KIF23: variants seen among roughly 807,000 people sequenced by gnomAD.
KIF23 encodes the protein kinesin-like protein KIF23.
KIF23 carries 30 observed loss-of-function variants against 137.5 expected under a neutral mutation model. That is an observed-to-expected ratio of 0.22 (90% CI 0.16 to 0.30). The LOEUF (loss-of-function observed/expected upper bound fraction) is 0.30, where lower values mean the gene tolerates loss of function less well. Ranked by LOEUF, KIF23 falls within the 10% of genes least tolerant of loss-of-function variation. The probability of loss-of-function intolerance (pLI) is 1.00; values close to 1 mark genes in which losing one functional copy is unlikely to be tolerated. For missense variants in KIF23, 920 were observed against 1,194.3 expected, an observed-to-expected ratio of 0.77 and a Z score of 3.38; for synonymous variants, 367 against 391.1, an observed-to-expected ratio of 0.94 and a Z score of 0.73.
chr15:69,445,399 A>C (rs2057718614), intron 20 of KIF23, among the ~76,000 whole-genome samples: 1 of 152,196 alleles, frequency 6.6e-6, no homozygotes, highest in Non-Finnish European at 1.5e-5. Context: ...AAAACAAAAC[A>C]AAACGAAACC....
intron 17 of KIF23, 96 bp downstream of exon 17, chr15:69,440,173 G>T: frequency 6.7e-7 from 1 of 1,497,394 alleles, no homozygotes. Flanking sequence ...TTTGCGGTAG[G>T]GTTTTGGTGG....
chr15:69,422,454 C>T lies in KIF23; in HGVS notation c.563+19C>T. 3 of 1,367,040 alleles carry T rather than the reference C, an allele frequency of 2.2e-6. No homozygotes were observed. The highest frequency in any genetic ancestry group is 3.1e-6 in the Non-Finnish European group (3 of 955,618). 84.7% of individuals were successfully genotyped at this position (1,367,040 alleles called of 1,614,324 possible). ...CTAGCAAGTAAGTAATTATATTTGTCTGCAGCACTGGCCTAGGGGCACAGG... is the reference window on the plus strand; with the variant it reads ...CTAGCAAGTAAGTAATTATATTTGTTTGCAGCACTGGCCTAGGGGCACAGG... On this transcript the variant is annotated intron_variant, in intron 6 of 23. Transcript: ENST00000679126.
chr15:69,445,972 A>G (rs1329425208), intron 20 of KIF23, 37 bp from the exon 21 acceptor site: 11 of 1,397,226 alleles, frequency 7.9e-6, no homozygotes, highest in Non-Finnish European at 1.0e-5. Context: ...GTTTGGGTGT[A>G]TCAATGTGTA....
intron 14 of KIF23, 43 bp from the exon 15 acceptor site, chr15:69,436,521 C>A (rs772610975): frequency 3.9e-6 from 6 of 1,523,342 alleles, no homozygotes; most frequent in Non-Finnish European, 4.5e-6. Flanking sequence ...TAAGCTCTTT[C>A]TCTCCTATGT....
At chr15:69,439,793 T>C (rs932923969) in intron 16 of KIF23, 111 bp from the exon 17 acceptor site, 15 of 731,404 alleles carry the variant, frequency 2.1e-5, no homozygotes, top group Non-Finnish European at 3.1e-5. Flanking sequence ...GCTTTCTCCA[T>C]GATGTTTCTT....
At chr15:69,435,590 G>A (rs576125049) in intron 12 of KIF23, 28 bp downstream of exon 12, 2 of 1,613,380 alleles carry the variant, frequency 1.2e-6, no homozygotes, top group Non-Finnish European at 1.7e-6. Context: ...CTGTTCTTTT[G>A]TATAGTTTCA....
Position 69,446,953 on chromosome 15 carries a change from C to T in KIF23, c.2909+12C>T. On this transcript the variant is annotated intron_variant, in intron 23 of 23. Transcript: ENST00000679126. Reference sequence around the variant, plus strand: ...CACGCACAACCCAAGTGAGTACTGACTGTAATTGGGGTCTTGCTGTGTGCT... The same window carrying T: ...CACGCACAACCCAAGTGAGTACTGATTGTAATTGGGGTCTTGCTGTGTGCT... The T allele has an allele frequency of 6.2e-7, 1 of 1,611,584 alleles. No individual in the cohort carries two copies. The highest frequency in any genetic ancestry group is 8.5e-7 in the Non-Finnish European group (1 of 1,177,626).
rs755984144 is a variant in KIF23, at chr15:69,421,627, A to AT, written c.211-13dup. ...ATAATAGTGGAATTCTATTTAGTGC[A>AT]TTTTTTTCTCTCTCCACAGACTCAG... is the stretch of plus-strand genomic sequence containing the variant. On this transcript the variant is annotated intron_variant, in intron 3 of 23. Coordinates refer to ENST00000679126, the MANE Select transcript of KIF23 (RefSeq NM_001367805.3). 15 of 1,480,008 alleles carry AT rather than the reference A, an allele frequency of 1.0e-5. No individual in the cohort carries two copies. The Admixed American group carries it at 1.2e-4, about 12-fold the overall frequency. The allele number at this position is 1,480,008 out of a possible 1,614,324, so 91.7% of individuals were successfully genotyped here. A position where few individuals can be genotyped will look rare whatever the true frequency, so the allele number is the denominator to read the frequency against.
Position 69,447,870 on chromosome 15 carries a change from C to G in KIF23, c.*63C>G. On this transcript the variant is annotated 3_prime_UTR_variant, in exon 24 of 24. Coordinates refer to ENST00000679126, the MANE Select transcript of KIF23 (RefSeq NM_001367805.3). ...TGTGGATGATTTCTCGAAAGCCATG[C>G]CAGAAGCAGTCTTCCAGGTCATCTT... The G allele has an allele frequency of 1.4e-5, 22 of 1,544,142 alleles. No homozygotes were observed. The highest frequency in any genetic ancestry group is 2.0e-5 in the Non-Finnish European group (22 of 1,119,756).
intron 2 of KIF23, among the ~76,000 whole-genome samples, chr15:69,416,828 G>A (rs186705029): frequency 3.2e-4 from 48 of 152,238 alleles, no homozygotes; most frequent in African/African-American, 1.1e-3. Context: ...GGTGGTGGGT[G>A]CCTGTAATCC....
Position 69,414,379 on chromosome 15 carries a change from T to C in KIF23, c.-87T>C, listed in dbSNP as rs756568571. ...GCACCGCGCCTTAGCCGCGAAGTTC[T>C]AGTTCTTGCTGCCGGTCCTAACGTC... On this transcript the variant is annotated 5_prime_UTR_variant, in exon 1 of 24. Transcript: ENST00000679126. 1.3e-5 allele frequency: 20 copies of C among 1,532,654 alleles called. No individual in the cohort carries two copies. In the African/African-American group the frequency reaches 2.6e-4, roughly 20 times the overall value. The allele number at this position is 1,532,654 out of a possible 1,614,324, so 94.9% of individuals were successfully genotyped here. A position where few individuals can be genotyped will look rare whatever the true frequency, so the allele number is the denominator to read the frequency against.
At position 69,436,190 on chromosome 15, in the gene KIF23, T is replaced by C. The variant is rs1410237647; in HGVS notation, c.1367T>C (p.Val456Ala). Residue 456 changes from valine to alanine, a missense_variant, in exon 14 of 24, where the codon GTA becomes GCA. Val to Ala is a moderately conservative substitution (Grantham distance 64). Transcript: ENST00000679126. ...CAAGAAGTTGAAGTAGCAAGACCTG[T>C]AGACAAGGCAATATGTGGTTTAACG... ...VTQEVEVARP[V>A]DKAICGLTPG... 1 of 1,614,054 alleles carries C rather than the reference T, an allele frequency of 6.2e-7. No individual in the cohort carries two copies. The highest frequency in any genetic ancestry group is 8.5e-7 in the Non-Finnish European group (1 of 1,179,970).
chr15:69,414,719 C>T lies in KIF23; in HGVS notation c.11+243C>T, dbSNP rs566263066. On this transcript the variant is annotated intron_variant, in intron 1 of 23. Coordinates refer to ENST00000679126, the MANE Select transcript of KIF23 (RefSeq NM_001367805.3). The stretch of plus-strand genomic sequence containing the variant: ...CGCCCCGCCTGGGCCTCCAAGGGGC[C>T]AGGAAGGGTCGGCCCGGAGCCGGGG... The T allele has an allele frequency of 4.9e-5, 20 of 405,300 alleles. No homozygotes were observed. The South Asian group carries it at 1.8e-3, about 36-fold the overall frequency. The allele number at this position is 405,300 out of a possible 1,614,324, so 25.1% of individuals were successfully genotyped here. A position where few individuals can be genotyped will look rare whatever the true frequency, so the allele number is the denominator to read the frequency against.
At chr15:69,424,782 A>G (rs1339981325) in intron 7 of KIF23, among the ~76,000 whole-genome samples, 2 of 152,212 alleles carry the variant, frequency 1.3e-5, no homozygotes, top group African/African-American at 4.8e-5. Flanking sequence ...TGCTGGGATT[A>G]CAAGTGTGAG....
At chr15:69,433,920 CA>C (rs2057412820) in intron 11 of KIF23, among the ~76,000 whole-genome samples, 3 of 152,142 alleles carry the variant, frequency 2.0e-5, no homozygotes, top group Admixed American at 2.0e-4. Flanking sequence ...TGATTATGTA[CA>C]GCAGTGTTTT....
chr15:69,433,012 G>C (rs1431653963), intron 11 of KIF23, among the ~76,000 whole-genome samples: 1 of 152,122 alleles, frequency 6.6e-6, no homozygotes, highest in Non-Finnish European at 1.5e-5. Flanking sequence ...ACCCCATCAT[G>C]TTCCCCCGGA....
intron 10 of KIF23, among the ~76,000 whole-genome samples, chr15:69,428,850 CAG>C (rs2057280769): frequency 6.6e-6 from 1 of 152,056 alleles, no homozygotes; most frequent in Admixed American, 6.6e-5. Flanking sequence ...TAGTAAAAGA[CAG>C]AGTCCCTGCT....
chr15:69,431,563 G>A (rs371372541), intron 11 of KIF23, among the ~76,000 whole-genome samples: 3 of 151,880 alleles, frequency 2.0e-5, no homozygotes, highest in African/African-American at 2.4e-5. Flanking sequence ...GCAGTGAGCC[G>A]AGATCGCGCC....
chr15:69,434,556 C>T lies in KIF23; in HGVS notation c.1115-927C>T. 1.7e-5 allele frequency: 17 copies of T among 987,538 alleles called. No homozygotes were observed. The South Asian group carries it at 2.2e-4, about 13-fold the overall frequency. 61.2% of individuals were successfully genotyped at this position (987,538 alleles called of 1,614,324 possible). ...TAGTTTTCTTTAACTGGTTCAACTCCCTTTGTTGTCCTGGTCAAGATAACA... is the reference window on the plus strand; with the variant it reads ...TAGTTTTCTTTAACTGGTTCAACTCTCTTTGTTGTCCTGGTCAAGATAACA... On this transcript the variant is annotated intron_variant, in intron 11 of 23. Transcript: ENST00000679126.
Sources: allele counts gnomAD v4.1 joint callset (sites outside exome capture counted in the v4.1 genomes callset), GRCh38; gene constraint gnomAD v4.1.1; transcripts MANE v1.5; gene names NCBI Gene and HGNC (gene_info 2026-07-23, HGNC 2026-07-21).